CAST: variants seen among roughly 807,000 people sequenced by gnomAD.
CAST encodes calpastatin, also known as MIR583 host.
Under a neutral mutation model 119.6 loss-of-function variants are expected in CAST, and 76 were observed. The ratio of observed to expected loss-of-function variants is 0.64; its 90% CI spans 0.53 to 0.77. The LOEUF (loss-of-function observed/expected upper bound fraction) is 0.77, where lower values mean the gene tolerates loss of function less well. CAST is among the 30% of genes least tolerant of loss of function. The probability of loss-of-function intolerance (pLI) is 0.00; values close to 1 mark genes in which losing one functional copy is unlikely to be tolerated. For missense variants in CAST, 953 were observed against 946.5 expected (o/e 1.01, Z -0.09); for synonymous variants, 319 against 331.6 (o/e 0.96, Z 0.41).
chr5:96,074,231 C>T, the CAST span, among the ~76,000 whole-genome samples: 26 of 152,182 alleles, frequency 1.7e-4, no homozygotes, highest in Non-Finnish European at 3.2e-4. Flanking sequence ...AAGCCCATTT[C>T]TTTTGTAGGT....
chr5:96,451,952 C>G, the CAST span, among the ~76,000 whole-genome samples: 1 of 152,156 alleles, frequency 6.6e-6, no homozygotes, highest in East Asian at 1.9e-4. Context: ...TACTATCTCA[C>G]GCCAGTTAGA....
At chr5:96,423,327 T>C in the CAST span, 2 of 1,610,828 alleles carry the variant, frequency 1.2e-6, no homozygotes, top group East Asian at 2.2e-5. Context: ...TTGGCATAAA[T>C]GTCCGTGTGA....
At chr5:96,415,585 A>C in the CAST span, among the ~76,000 whole-genome samples, 15 of 152,268 alleles carry the variant, frequency 9.9e-5, no homozygotes, top group East Asian at 2.9e-3. Flanking sequence ...TAAAAGATAA[A>C]ATTTGGCTAT....
intron 9 of CAST, among the ~76,000 whole-genome samples, chr5:96,734,907 G>C (rs1761308203): frequency 6.6e-6 from 1 of 152,116 alleles, no homozygotes; most frequent in African/African-American, 2.4e-5. Flanking sequence ...AAAGAATGAA[G>C]TAGGAGGAAA....
the CAST span, among the ~76,000 whole-genome samples, chr5:96,357,773 A>C: frequency 6.6e-6 from 1 of 152,146 alleles, no homozygotes; most frequent in Non-Finnish European, 1.5e-5. Context: ...TTCATCAGGG[A>C]TATTGGCCTA....
chr5:96,662,947 A>G lies in CAST; in HGVS notation c.75+450A>G. On this transcript the variant is annotated intron_variant, in intron 1 of 31. Coordinates refer to ENST00000675179, the MANE Select transcript of CAST (RefSeq NM_001750.7). The stretch of plus-strand genomic sequence containing the variant: ...AGCCTCGAGCCAAATTGGGCGGGCG[A>G]GGAGGGGCGGGGCCTGCGCCGGGCC... 6.8e-6 allele frequency: 4 copies of G among 591,646 alleles called. No individual in the cohort carries two copies. The South Asian group carries it at 8.2e-5, about 12-fold the overall frequency. The allele number at this position is 591,646 out of a possible 1,614,324, so 36.6% of individuals were successfully genotyped here.
At chr5:96,295,294 G>A in the CAST span, among the ~76,000 whole-genome samples, 1 of 152,098 alleles carries the variant, frequency 6.6e-6, no homozygotes. Context: ...GCTGATTTTC[G>A]AAGGAGACAT....
the CAST span, among the ~76,000 whole-genome samples, chr5:96,071,543 T>G: frequency 1.3e-5 from 2 of 152,126 alleles, no homozygotes; most frequent in Admixed American, 1.3e-4. Flanking sequence ...GGACCAGCCC[T>G]CACCTGTACC....
the CAST span, among the ~76,000 whole-genome samples, chr5:96,403,173 G>A: frequency 6.6e-6 from 1 of 152,116 alleles, no homozygotes; most frequent in African/African-American, 2.4e-5. Flanking sequence ...ATATGCAGTT[G>A]CAGGTTATTT....
intron 1 of CAST, among the ~76,000 whole-genome samples, chr5:96,582,338 A>T (rs756143601): frequency 6.6e-6 from 1 of 152,230 alleles, no homozygotes; most frequent in African/African-American, 2.4e-5. Flanking sequence ...ATTTAGATAC[A>T]TAATAAATTT....
At chr5:96,716,234 C>T (rs922930593) in intron 3 of CAST, among the ~76,000 whole-genome samples, 2 of 152,162 alleles carry the variant, frequency 1.3e-5, no homozygotes, top group Middle Eastern at 3.4e-3. Context: ...TGTTTTGTTG[C>T]GGTTGTCTTA....
the CAST span, among the ~76,000 whole-genome samples, chr5:96,189,126 G>T: frequency 6.6e-6 from 1 of 152,102 alleles, no homozygotes. Flanking sequence ...TTCTATGTCT[G>T]CTATGAACCA....
At chr5:96,387,759 G>A in the CAST span, among the ~76,000 whole-genome samples, 2 of 152,114 alleles carry the variant, frequency 1.3e-5, no homozygotes, top group Non-Finnish European at 2.9e-5. Flanking sequence ...CCTGGAATAG[G>A]AGAAGTGATG....
the CAST span, among the ~76,000 whole-genome samples, chr5:96,285,195 G>T: frequency 5.3e-4 from 81 of 152,252 alleles, 1 homozygote; most frequent in Non-Finnish European, 9.3e-4. Context: ...AGGTACTGGG[G>T]ATATAACAAC....
At chr5:96,355,161 C>G in the CAST span, among the ~76,000 whole-genome samples, 1 of 152,082 alleles carries the variant, frequency 6.6e-6, no homozygotes, top group Non-Finnish European at 1.5e-5. Flanking sequence ...GGTATTCCTC[C>G]TAATGCTATC....
At chr5:96,730,725 T>C in intron 8 of CAST, 55 bp from the exon 9 acceptor site, 2 of 1,260,152 alleles carry the variant, frequency 1.6e-6, no homozygotes, top group South Asian at 1.2e-5. Context: ...ATGATCTTGA[T>C]AATAGCCATG....
At chr5:96,299,531 T>C in the CAST span, among the ~76,000 whole-genome samples, 1 of 152,194 alleles carries the variant, frequency 6.6e-6, no homozygotes, top group African/African-American at 2.4e-5. Flanking sequence ...CCTGCTCCCA[T>C]GCTCCTGTTG....
chr5:96,510,861 G>T, the CAST span, among the ~76,000 whole-genome samples: 4 of 152,328 alleles, frequency 2.6e-5, no homozygotes, highest in South Asian at 8.3e-4. Context: ...GAAAAAACAA[G>T]ACTGAGAAAA....
chr5:96,094,103 C>T, the CAST span, among the ~76,000 whole-genome samples: 5 of 152,188 alleles, frequency 3.3e-5, no homozygotes. Context: ...ATTGACTTTG[C>T]CACTTAGTTA....
Sources: allele counts gnomAD v4.1 joint callset (sites outside exome capture counted in the v4.1 genomes callset), GRCh38; gene constraint gnomAD v4.1.1; transcripts MANE v1.5; gene names NCBI Gene and HGNC (gene_info 2026-07-23, HGNC 2026-07-21).